The following PTCHD4 variants were observed in gnomAD, a reference collection of about 807,000 sequenced individuals.
PTCHD4 encodes patched domain containing 4.
PTCHD4 carries 33 observed loss-of-function variants against 58.1 expected under a neutral mutation model. The ratio of observed to expected loss-of-function variants is 0.57; its 90% confidence interval spans 0.43 to 0.76. The LOEUF is 0.76. Ranked by LOEUF, PTCHD4 falls within the 30% of genes least tolerant of loss-of-function variation. The pLI, the probability that PTCHD4 is intolerant of heterozygous loss-of-function variation, is 0.00. For missense variants in PTCHD4, 1,058 were observed against 1,027.1 expected (o/e 1.03, Z -0.41); for synonymous variants, 478 against 409.6 (o/e 1.17, Z -2.02).
intron 4 of PTCHD4, among the ~76,000 whole-genome samples, chr6:47,992,492 T>G (rs1412883087): frequency 6.6e-6 from 1 of 152,224 alleles, no homozygotes; most frequent in Non-Finnish European, 1.5e-5. Flanking sequence ...TATTTCTTCC[T>G]TTGAGCAGTC....
chr6:48,072,673 A>G (rs1050743580), intron 1 of PTCHD4, among the ~76,000 whole-genome samples: 1 of 152,038 alleles, frequency 6.6e-6, no homozygotes, highest in Non-Finnish European at 1.5e-5. Flanking sequence ...ATACTTATCT[A>G]TATCTGTGTG....
At chr6:47,892,793 A>G (rs189476371) in intron 4 of PTCHD4, among the ~76,000 whole-genome samples, 1 of 152,340 alleles carries the variant, frequency 6.6e-6, no homozygotes, top group Admixed American at 6.5e-5. Flanking sequence ...TTTAAGGGGC[A>G]TCCCTGAATG....
chr6:47,867,055 G>A lies in PTCHD4; in HGVS notation c.*11248C>T, dbSNP rs140078083. 1.9e-3 allele frequency among the ~76,000 whole-genome samples: 286 copies of A among 151,874 alleles called. 1 individual carries two copies. The highest frequency in any genetic ancestry group is 6.6e-3 in the African/African-American group (273 of 41,516). On this transcript the variant is annotated 3_prime_UTR_variant, in exon 5 of 5. Transcript: ENST00000339488. The stretch of plus-strand genomic sequence containing the variant: ...TAGGGACATAGTACTTGTTTACAAT[G>A]TTTTCTTTCTGGGAACAATCTATAA...
chr6:47,973,715 G>T (rs778202007), intron 4 of PTCHD4, among the ~76,000 whole-genome samples: 7 of 152,180 alleles, frequency 4.6e-5, no homozygotes, highest in Non-Finnish European at 1.0e-4. Flanking sequence ...GTTAACTGCA[G>T]CCAGTACTGT....
intron 4 of PTCHD4, among the ~76,000 whole-genome samples, chr6:47,968,858 T>C (rs951219674): frequency 1.1e-4 from 16 of 152,246 alleles, no homozygotes; most frequent in African/African-American, 3.6e-4. Flanking sequence ...TATATTAAAG[T>C]GCCCAACCTA....
At chr6:47,880,744 G>A (rs913399582) in intron 4 of PTCHD4, among the ~76,000 whole-genome samples, 10 of 152,148 alleles carry the variant, frequency 6.6e-5, no homozygotes, top group Admixed American at 5.9e-4. Context: ...GTAGGCAAAA[G>A]GCTTAGTCAA....
At chr6:47,924,085 A>G (rs1320275493) in intron 4 of PTCHD4, among the ~76,000 whole-genome samples, 1 of 152,182 alleles carries the variant, frequency 6.6e-6, no homozygotes, top group African/African-American at 2.4e-5. Context: ...TGCCGGCTAC[A>G]TCCTTTATTC....
intron 3 of PTCHD4, among the ~76,000 whole-genome samples, chr6:48,062,259 A>G (rs1764656135): frequency 6.6e-6 from 1 of 152,170 alleles, no homozygotes; most frequent in African/African-American, 2.4e-5. Context: ...CATGGAAAGA[A>G]GTATGGTATT....
At chr6:48,075,686 T>G (rs1286617486) in intron 1 of PTCHD4, among the ~76,000 whole-genome samples, 2 of 152,230 alleles carry the variant, frequency 1.3e-5, no homozygotes, top group Admixed American at 6.5e-5. Flanking sequence ...AAAATTATCT[T>G]TATGCCATAC....
chr6:47,917,203 A>G (rs914391682), intron 4 of PTCHD4, among the ~76,000 whole-genome samples: 3 of 152,018 alleles, frequency 2.0e-5, no homozygotes, highest in Non-Finnish European at 2.9e-5. Flanking sequence ...TTTTTCAATA[A>G]TGCTATTTTG....
chr6:48,030,530 T>A (rs1290396354), intron 3 of PTCHD4, among the ~76,000 whole-genome samples: 2 of 152,254 alleles, frequency 1.3e-5, no homozygotes, highest in Admixed American at 6.5e-5. Flanking sequence ...GAAGCTGGAT[T>A]ACTTGATATA....
intron 1 of PTCHD4, among the ~76,000 whole-genome samples, chr6:48,081,351 G>A (rs1264566097): frequency 6.6e-6 from 1 of 152,144 alleles, no homozygotes; most frequent in East Asian, 1.9e-4. Context: ...TGGCAATACA[G>A]CATGGTAGAT....
chr6:47,988,076 C>T (rs576166712), intron 4 of PTCHD4, among the ~76,000 whole-genome samples: 3 of 152,038 alleles, frequency 2.0e-5, no homozygotes, highest in African/African-American at 7.2e-5. Flanking sequence ...TGTGCCTGAC[C>T]CCAGTCACAT....
chr6:48,091,331 G>T (rs1053808136), intron 1 of PTCHD4, among the ~76,000 whole-genome samples: 6 of 151,904 alleles, frequency 3.9e-5, no homozygotes, highest in Non-Finnish European at 5.9e-5. Context: ...TAAAAGGAAT[G>T]CTCATAGTAG....
At chr6:48,078,758 C>A (rs1765106384) in intron 1 of PTCHD4, among the ~76,000 whole-genome samples, 1 of 151,974 alleles carries the variant, frequency 6.6e-6, no homozygotes, top group Admixed American at 6.6e-5. Context: ...CTTCAAAGTA[C>A]TCTAAAAATG....
intron 3 of PTCHD4, among the ~76,000 whole-genome samples, chr6:48,065,591 A>C (rs565176022): frequency 1.3e-5 from 2 of 152,274 alleles, no homozygotes; most frequent in Non-Finnish European, 2.9e-5. Context: ...TCTGCCAGGG[A>C]GTTCTGATCC....
At chr6:47,894,362 G>A (rs1055575092) in intron 4 of PTCHD4, among the ~76,000 whole-genome samples, 1 of 152,166 alleles carries the variant, frequency 6.6e-6, no homozygotes, top group Non-Finnish European at 1.5e-5. Context: ...TAGCAGGTGG[G>A]GAAGATAGCA....
chr6:47,969,399 C>A (rs1767416780), intron 4 of PTCHD4, among the ~76,000 whole-genome samples: 2 of 152,210 alleles, frequency 1.3e-5, no homozygotes, highest in Non-Finnish European at 2.9e-5. Context: ...TAATATCTAA[C>A]ACCAGCAGGC....
intron 1 of PTCHD4, among the ~76,000 whole-genome samples, chr6:48,083,561 G>T (rs1271437205): frequency 2.0e-5 from 3 of 152,134 alleles, no homozygotes; most frequent in Non-Finnish European, 2.9e-5. Flanking sequence ...GATTATGGGG[G>T]TTAAAATGGA....
Sources: gnomAD v4.1 joint callset for allele counts (sites outside exome capture counted in the v4.1 genomes callset) on GRCh38, gnomAD v4.1.1 for gene constraint, MANE v1.5 for transcripts, NCBI Gene and HGNC (gene_info 2026-07-23, HGNC 2026-07-21) for gene names.